The following SEMA5A variants were observed in gnomAD, a reference collection of about 807,000 sequenced individuals.
SEMA5A encodes the protein semaphorin 5A.
A neutral mutation model predicts 135.5 loss-of-function variants in SEMA5A; 55 were observed. That is an observed-to-expected ratio of 0.41 (90% confidence interval 0.33 to 0.51). SEMA5A has a LOEUF of 0.51. Ranked by LOEUF, SEMA5A falls within the 20% of genes least tolerant of loss-of-function variation. SEMA5A has a pLI of 0.37. For missense variants in SEMA5A, 1,290 were observed against 1,419.9 expected (o/e 0.91, Z 1.47); for synonymous variants, 580 against 546.5 (o/e 1.06, Z -0.85).
rs572123387 is a variant in SEMA5A at position 9,155,050 on chromosome 5, G to A, written c.1274-355C>T. Among the ~76,000 whole-genome samples, 9 of 152,300 alleles carry A rather than the reference G, an allele frequency of 5.9e-5. No homozygotes were observed. The South Asian group carries it at 1.4e-3, about 25-fold the overall frequency. On this transcript the variant is annotated intron_variant, in intron 11 of 22. Transcript: ENST00000382496. ...CAGGAAAGAAAGACCCTCAAGGGAC[G>A]ATCTTGGATTCTTAGTGACAGAGAT...
rs568389553 is a variant in SEMA5A, at chr5:9,540,445, A to AT, written c.-175+5138_-175+5139insA. The stretch of plus-strand genomic sequence containing the variant: ...TCTACTAAAAATTCAAAAAAAAAAA[A>AT]AAATTAGCTGGGCATGTGGCGGACA... On this transcript the variant is annotated intron_variant, in intron 1 of 22. Transcript: ENST00000382496. Among the ~76,000 whole-genome samples the AT allele has an allele frequency of 4.9e-4, 74 of 151,434 alleles. No individual in the cohort carries two copies. In the South Asian group the frequency reaches 0.015, roughly 31 times the overall value.
intron 16 of SEMA5A, 102 bp downstream of exon 16, chr5:9,108,038 A>C: frequency 7.1e-7 from 1 of 1,407,694 alleles, no homozygotes; most frequent in Non-Finnish European, 9.6e-7. Flanking sequence ...CAGAACATTT[A>C]TTGTTTGCAG....
intron 1 of SEMA5A, among the ~76,000 whole-genome samples, chr5:9,468,753 G>A (rs12657858): frequency 0.052 from 7,888 of 152,178 alleles, 247 homozygotes; most frequent in South Asian, 0.095. Flanking sequence ...TTGGGGTTTC[G>A]AATTACTAGT....
At chr5:9,542,697 A>T (rs1212027265) in intron 1 of SEMA5A, among the ~76,000 whole-genome samples, 2 of 152,246 alleles carry the variant, frequency 1.3e-5, no homozygotes, top group Non-Finnish European at 2.9e-5. Context: ...ATCAAGAATT[A>T]TGGAGGATTT....
chr5:9,229,688 C>T (rs1747515440), intron 6 of SEMA5A, among the ~76,000 whole-genome samples: 1 of 150,468 alleles, frequency 6.6e-6, no homozygotes, highest in African/African-American at 2.4e-5. Flanking sequence ...TTTTAGAACT[C>T]TTTTAAAAGC....
At chr5:9,193,757 G>C (rs1745236657) in intron 10 of SEMA5A, among the ~76,000 whole-genome samples, 1 of 152,124 alleles carries the variant, frequency 6.6e-6, no homozygotes, top group African/African-American at 2.4e-5. Flanking sequence ...AAAATGCCTG[G>C]CGTGGTGGTG....
intron 3 of SEMA5A, among the ~76,000 whole-genome samples, chr5:9,353,504 A>G (rs1754308595): frequency 6.6e-6 from 1 of 152,182 alleles, no homozygotes; most frequent in African/African-American, 2.4e-5. Context: ...AGAAGAGTAG[A>G]GGGTCTTGCT....
chr5:9,544,849 C>G (rs1738294431), intron 1 of SEMA5A, among the ~76,000 whole-genome samples: 2 of 152,220 alleles, frequency 1.3e-5, no homozygotes, highest in Non-Finnish European at 1.5e-5. Context: ...CCTCCACGAC[C>G]GTTCCCACGC....
chr5:9,162,211 G>T (rs1490562885), intron 11 of SEMA5A, among the ~76,000 whole-genome samples: 1 of 152,010 alleles, frequency 6.6e-6, no homozygotes, highest in Non-Finnish European at 1.5e-5. Context: ...AACCCTGACT[G>T]ACCTCCCAAA....
At chr5:9,126,171 T>C (rs1579441136) in intron 13 of SEMA5A, among the ~76,000 whole-genome samples, 1 of 152,252 alleles carries the variant, frequency 6.6e-6, no homozygotes, top group East Asian at 1.9e-4. Flanking sequence ...AGAAACCTTC[T>C]AGGGCTGCTG....
chr5:9,411,321 CTGTT>C (rs1757098491), intron 2 of SEMA5A, among the ~76,000 whole-genome samples: 7 of 152,222 alleles, frequency 4.6e-5, no homozygotes, highest in Admixed American at 4.6e-4. Flanking sequence ...CATGTGTACT[CTGTT>C]CCTTATCTGC....
At chr5:9,236,859 G>C (rs1460349715) in intron 6 of SEMA5A, among the ~76,000 whole-genome samples, 1 of 152,078 alleles carries the variant, frequency 6.6e-6, no homozygotes, top group Non-Finnish European at 1.5e-5. Flanking sequence ...ACTTGCCTCA[G>C]TGTCTGACTC....
chr5:9,428,370 G>A (rs1455083048), intron 2 of SEMA5A, among the ~76,000 whole-genome samples: 1 of 152,120 alleles, frequency 6.6e-6, no homozygotes, highest in Non-Finnish European at 1.5e-5. Context: ...TGTACTCCTT[G>A]AAGATGATAC....
chr5:9,230,249 C>T (rs1312912349), intron 6 of SEMA5A, among the ~76,000 whole-genome samples: 1 of 150,270 alleles, frequency 6.7e-6, no homozygotes, highest in Non-Finnish European at 1.5e-5. Context: ...ATCCTCCTGC[C>T]TTGTCCTCCC....
At chr5:9,396,331 C>G (rs1270463843) in intron 2 of SEMA5A, among the ~76,000 whole-genome samples, 2 of 151,964 alleles carry the variant, frequency 1.3e-5, no homozygotes. Context: ...GTTGGTTTCA[C>G]CTCTAGGACA....
chr5:9,530,083 C>T (rs1482253468), intron 1 of SEMA5A, among the ~76,000 whole-genome samples: 6 of 152,164 alleles, frequency 3.9e-5, no homozygotes, highest in Admixed American at 1.3e-4. Context: ...GTGTGCGGGC[C>T]GCGTTAGGAT....
At chr5:9,292,169 T>C (rs991051194) in intron 5 of SEMA5A, among the ~76,000 whole-genome samples, 4 of 152,174 alleles carry the variant, frequency 2.6e-5, no homozygotes, top group Non-Finnish European at 5.9e-5. Flanking sequence ...TATTTAACCC[T>C]CCTTTCCCTT....
intron 5 of SEMA5A, among the ~76,000 whole-genome samples, chr5:9,246,526 C>T (rs371220584): frequency 1.6e-4 from 24 of 152,132 alleles, no homozygotes; most frequent in African/African-American, 5.8e-4. Context: ...GAAATGTTTG[C>T]TAGCAATTAG....
At chr5:9,353,087 A>AG (rs1173174532) in intron 3 of SEMA5A, among the ~76,000 whole-genome samples, 1 of 15,264 alleles carries the variant, frequency 6.6e-5, no homozygotes, top group Admixed American at 7.4e-4. Context: ...AGGAAAGGAA[A>AG]GGAAAGGAAG....
Sources: gnomAD v4.1 joint callset for allele counts (sites outside exome capture counted in the v4.1 genomes callset) on GRCh38, gnomAD v4.1.1 for gene constraint, MANE v1.5 for transcripts, NCBI Gene and HGNC (gene_info 2026-07-23, HGNC 2026-07-21) for gene names.